The following CNTNAP2 variants were observed in gnomAD, a reference collection of about 807,000 sequenced individuals.
CNTNAP2 encodes contactin-associated protein-like 2.
Under a neutral mutation model 155.2 loss-of-function variants are expected in CNTNAP2, and 98 were observed. That is an observed-to-expected ratio of 0.63 (90% confidence interval 0.54 to 0.75). The LOEUF (loss-of-function observed/expected upper bound fraction) is 0.75, where lower values mean the gene tolerates loss of function less well. Ranked by LOEUF, CNTNAP2 falls within the 30% of genes least tolerant of loss-of-function variation. The pLI, the probability that CNTNAP2 is intolerant of heterozygous loss-of-function variation, is 0.00. For synonymous variants in CNTNAP2, 651 were observed against 631.2 expected (o/e 1.03, Z -0.47); for missense variants, 1,727 against 1,688.1 (o/e 1.02, Z -0.40).
At chr7:148,374,173 C>T (rs1175041582) in intron 21 of CNTNAP2, among the ~76,000 whole-genome samples, 4 of 152,048 alleles carry the variant, frequency 2.6e-5, no homozygotes, top group Non-Finnish European at 5.9e-5. Context: ...TTTATGCATT[C>T]ATGCGATCTT....
chr7:147,982,980 TGCACTTCA>T (rs1469200754), intron 15 of CNTNAP2, among the ~76,000 whole-genome samples: 1 of 141,976 alleles, frequency 7.0e-6, no homozygotes, highest in African/African-American at 2.6e-5. Context: ...ATCGTGCTGT[TGCACTTCA>T]GCTTGGGTGA....
At chr7:147,315,111 C>CAAA (rs61529667) in intron 9 of CNTNAP2, among the ~76,000 whole-genome samples, 1 of 107,182 alleles carries the variant, frequency 9.3e-6, no homozygotes, top group African/African-American at 3.5e-5. Flanking sequence ...GGGTACTTTA[C>CAAA]AAAAAAAAAA....
intron 1 of CNTNAP2, among the ~76,000 whole-genome samples, chr7:146,231,079 A>G (rs984773995): frequency 2.0e-5 from 3 of 148,696 alleles, no homozygotes; most frequent in African/African-American, 7.6e-5. Flanking sequence ...AGAACCTAGA[A>G]TAATACCTGG....
intron 1 of CNTNAP2, among the ~76,000 whole-genome samples, chr7:146,425,074 A>C (rs1796069292): frequency 6.6e-6 from 1 of 152,230 alleles, no homozygotes; most frequent in South Asian, 2.1e-4. Flanking sequence ...TGACATCCGT[A>C]AACACAACAC....
chr7:147,697,846 C>G (rs1197063068), intron 13 of CNTNAP2, among the ~76,000 whole-genome samples: 3 of 152,156 alleles, frequency 2.0e-5, no homozygotes, highest in African/African-American at 7.2e-5. Context: ...TTTCCTTTCT[C>G]CCTACTAGAA....
intron 13 of CNTNAP2, chr7:147,704,232 A>C (rs1796277034): frequency 6.6e-6 from 1 of 152,484 alleles, no homozygotes; most frequent in Non-Finnish European, 1.5e-5. Flanking sequence ...CTTGATTTTC[A>C]TGCAGCTAAA....
chr7:147,600,896 G>A (rs546068818), intron 12 of CNTNAP2, among the ~76,000 whole-genome samples: 2 of 152,190 alleles, frequency 1.3e-5, no homozygotes, highest in African/African-American at 4.8e-5. Context: ...TGTGATGTAG[G>A]TCATGGTGAT....
intron 1 of CNTNAP2, among the ~76,000 whole-genome samples, chr7:146,334,761 C>T (rs1801246772): frequency 6.6e-6 from 1 of 152,180 alleles, no homozygotes. Context: ...GTATTACTTT[C>T]CCTCTCTTGG....
intron 1 of CNTNAP2, among the ~76,000 whole-genome samples, chr7:146,173,306 A>T (rs1251709328): frequency 6.6e-6 from 1 of 152,160 alleles, no homozygotes; most frequent in Non-Finnish European, 1.5e-5. Context: ...TGAAGTTTAC[A>T]ATAGTGTACA....
chr7:148,072,699 T>C (rs1173437592), intron 15 of CNTNAP2, among the ~76,000 whole-genome samples: 1 of 152,170 alleles, frequency 6.6e-6, no homozygotes, highest in East Asian at 1.9e-4. Context: ...TAATTCTTTG[T>C]TGTGGACTGT....
chr7:147,870,489 C>T (rs942364969), intron 13 of CNTNAP2, among the ~76,000 whole-genome samples: 17 of 152,086 alleles, frequency 1.1e-4, no homozygotes, highest in African/African-American at 3.6e-4. Flanking sequence ...AAGCAGCTGA[C>T]CATCTGTCAT....
chr7:148,056,108 G>A (rs1803002540), intron 15 of CNTNAP2, among the ~76,000 whole-genome samples: 1 of 152,296 alleles, frequency 6.6e-6, no homozygotes, highest in East Asian at 1.9e-4. Context: ...CCTAAAGAGT[G>A]GGCTCTGTTC....
chr7:146,520,056 G>C (rs180802727), intron 1 of CNTNAP2, among the ~76,000 whole-genome samples: 2 of 151,234 alleles, frequency 1.3e-5, no homozygotes, highest in African/African-American at 4.8e-5. Flanking sequence ...AAATGAATAC[G>C]AACCCACTTT....
intron 1 of CNTNAP2, among the ~76,000 whole-genome samples, chr7:146,599,013 A>G (rs1267967664): frequency 6.6e-6 from 1 of 152,080 alleles, no homozygotes; most frequent in Non-Finnish European, 1.5e-5. Context: ...AGCTTTGGTC[A>G]AAAATATTGG....
chr7:147,330,491 G>A lies in CNTNAP2; in HGVS notation c.1498+30201G>A, dbSNP rs149139605. ...AAGATTTAAAGCTGGTTGGTCTGAA[G>A]CATTGATGGGTTGGACTTATGATTG... On this transcript the variant is annotated intron_variant, in intron 9 of 23. Coordinates refer to ENST00000361727, the MANE Select transcript of CNTNAP2 (RefSeq NM_014141.6). 4.6e-5 allele frequency among the ~76,000 whole-genome samples: 7 copies of A among 152,284 alleles called. No individual in the cohort carries two copies. The East Asian group carries it at 1.2e-3, about 25-fold the overall frequency.
At chr7:147,741,115 C>A (rs1258321464) in intron 13 of CNTNAP2, among the ~76,000 whole-genome samples, 1 of 152,206 alleles carries the variant, frequency 6.6e-6, no homozygotes, top group Non-Finnish European at 1.5e-5. Context: ...CCATTGGAAG[C>A]TTTCCAAGGG....
At chr7:146,329,256 T>G (rs1247997111) in intron 1 of CNTNAP2, among the ~76,000 whole-genome samples, 1 of 152,180 alleles carries the variant, frequency 6.6e-6, no homozygotes, top group Non-Finnish European at 1.5e-5. Context: ...ACAAGACATA[T>G]TCTCCTTGCC....
chr7:146,320,054 G>C (rs60581588), intron 1 of CNTNAP2, among the ~76,000 whole-genome samples: 2,929 of 149,030 alleles, frequency 0.02, 109 homozygotes, highest in African/African-American at 0.07. Flanking sequence ...GGTTTTATTT[G>C]GAAACAGACA....
chr7:146,297,228 G>A (rs1394205851), intron 1 of CNTNAP2, among the ~76,000 whole-genome samples: 1 of 151,872 alleles, frequency 6.6e-6, no homozygotes, highest in African/African-American at 2.4e-5. Context: ...ATTTCCCAGT[G>A]CATTTCCTAA....
Sources: allele counts gnomAD v4.1 joint callset (sites outside exome capture counted in the v4.1 genomes callset), GRCh38; gene constraint gnomAD v4.1.1; transcripts MANE v1.5; gene names NCBI Gene and HGNC (gene_info 2026-07-23, HGNC 2026-07-21).